NFIX: variants seen among roughly 807,000 people sequenced by gnomAD.
NFIX encodes the protein nuclear factor 1 X-type.
A neutral mutation model predicts 53.3 loss-of-function variants in NFIX; 2 were observed. The ratio of observed to expected loss-of-function variants is 0.04; its 90% CI spans 0.02 to 0.12. NFIX has a LOEUF of 0.12. Among genes scored for constraint, NFIX ranks in the 10% least tolerant of loss-of-function variants. NFIX has a pLI of 1.00. For missense variants in NFIX, 310 were observed against 674.5 expected (o/e 0.46, Z 5.99); for synonymous variants, 244 against 289.0 (o/e 0.84, Z 1.58).
intron 2 of NFIX, among the ~76,000 whole-genome samples, chr19:13,030,466 T>TC (rs1475656556): frequency 6.6e-6 from 1 of 152,170 alleles, no homozygotes; most frequent in Non-Finnish European, 1.5e-5. Flanking sequence ...GTCTTTTTTT[T>TC]CTCTTAAGGG....
chr19:13,063,154 C>A (rs1219706127), intron 2 of NFIX, among the ~76,000 whole-genome samples: 1 of 152,208 alleles, frequency 6.6e-6, no homozygotes, highest in Non-Finnish European at 1.5e-5. Flanking sequence ...TTTTTGATTT[C>A]CTCAGGCAAA....
chr19:13,026,720 A>AC (rs1234800611), intron 2 of NFIX, among the ~76,000 whole-genome samples: 13 of 127,322 alleles, frequency 1.0e-4, no homozygotes, highest in Admixed American at 1.7e-4. Context: ...GGGCTACCAA[A>AC]CCTTTCTCTC....
In NFIX at chr19:13,014,328, T is replaced by G. The variant is rs2012541003; in HGVS notation, c.28-10693T>G. Reference sequence around the variant, plus strand: ...GCCCTCTCCTCTTCCCTCCCCCGCCTCTGGGCCCTGACCCACTGCCTGGTT... The same window carrying G: ...GCCCTCTCCTCTTCCCTCCCCCGCCGCTGGGCCCTGACCCACTGCCTGGTT... On this transcript the variant is annotated intron_variant, in intron 1 of 10. Coordinates refer to ENST00000592199, the MANE Select transcript of NFIX (RefSeq NM_001365902.3). The surrounding 1 kb of genome is among the most constrained non-coding windows in gnomAD (Gnocchi z 4.4). 6.6e-6 allele frequency: 1 copy of G among 152,144 alleles called. No homozygotes were observed. Among genetic ancestry groups the G allele is most frequent in the Non-Finnish European group, 1.5e-5 (1 of 68,030 alleles). The allele number at this position is 152,144 out of a possible 1,614,324, so 9.4% of individuals were successfully genotyped here. A position where few individuals can be genotyped will look rare whatever the true frequency, so the allele number is the denominator to read the frequency against.
chr19:13,024,123 A>AG (rs2013133924), intron 1 of NFIX: 3 of 892,488 alleles, frequency 3.4e-6, no homozygotes, highest in South Asian at 1.6e-5. Flanking sequence ...CAAAAAAAAA[A>AG]AAAAAAACCA....
At chr19:13,065,645 G>A (rs1264069727) in intron 2 of NFIX, among the ~76,000 whole-genome samples, 1 of 152,064 alleles carries the variant, frequency 6.6e-6, no homozygotes, top group South Asian at 2.1e-4. Context: ...GTGCACCAGG[G>A]GCATATCCCT....
At position 13,002,264 on chromosome 19, in the gene NFIX, T is replaced by C. The variant is rs1241221280; in HGVS notation, c.27+6400T>C. Among the ~76,000 whole-genome samples the C allele has an allele frequency of 6.6e-6, 1 of 150,420 alleles. No homozygotes were observed. The highest frequency in any genetic ancestry group is 1.5e-5 in the Non-Finnish European group (1 of 67,684). ...TCCTCCCGCTCCCTCTCTCCCTCTC[T>C]CTCTCCTCCTGCCAAACGCGTCTTG... On this transcript the variant is annotated intron_variant, in intron 1 of 10. Transcript: ENST00000592199. The surrounding 1 kb of genome is among the most constrained non-coding windows in gnomAD (Gnocchi z 6.1).
Position 13,078,501 on chromosome 19 carries a change from G to A in NFIX, c.956-112G>A. The stretch of plus-strand genomic sequence containing the variant: ...GCAGGAGGGAGCACAGTGGAGGAAG[G>A]GGCAGTGGGGAGGGGCTGAGGAGAG... On this transcript the variant is annotated intron_variant, in intron 6 of 10. Transcript: ENST00000592199. The surrounding 1 kb of genome is among the most constrained non-coding windows in gnomAD (Gnocchi z 4.7). The A allele has an allele frequency of 4.6e-6, 6 of 1,316,838 alleles. No homozygotes were observed. The highest frequency in any genetic ancestry group is 3.1e-6 in the Non-Finnish European group (3 of 955,716). 81.6% of individuals were successfully genotyped at this position (1,316,838 alleles called of 1,614,324 possible).
chr19:13,079,434 G>A lies in NFIX; in HGVS notation c.1078+699G>A, dbSNP rs561892387. ...GATAGGATCAGGCAGGAGGCTGTGG[G>A]AGCTGAGACCTCAGCCCTGTCACTC... On this transcript the variant is annotated intron_variant, in intron 7 of 10. Coordinates refer to ENST00000592199, the MANE Select transcript of NFIX (RefSeq NM_001365902.3). 1.7e-3 allele frequency among the ~76,000 whole-genome samples: 262 copies of A among 152,286 alleles called. 3 individuals are homozygous for A. Among genetic ancestry groups the A allele is most frequent in the Non-Finnish European group, 2.9e-3 (199 of 68,002 alleles).
At chr19:12,999,673 A>G (rs1332001127) in intron 1 of NFIX, among the ~76,000 whole-genome samples, 1 of 152,142 alleles carries the variant, frequency 6.6e-6, no homozygotes, top group Non-Finnish European at 1.5e-5. Context: ...CTGGCCATAC[A>G]AGCAGCCGAA....
intron 8 of NFIX, among the ~76,000 whole-genome samples, chr19:13,087,320 A>G (rs2017837928): frequency 6.6e-6 from 1 of 152,174 alleles, no homozygotes; most frequent in South Asian, 2.1e-4. Context: ...TGTACAGGGA[A>G]GTCCTCCTGA....
Position 13,090,690 on chromosome 19 carries a change from A to G in NFIX, c.1494+300A>G, listed in dbSNP as rs947954830. Reference sequence around the variant, plus strand: ...TGGGCCAGGCCTGGTAGAAGCAAAGATGGAAGCCTGAGGCCCATCGGGAGG... The same window carrying G: ...TGGGCCAGGCCTGGTAGAAGCAAAGGTGGAAGCCTGAGGCCCATCGGGAGG... On this transcript the variant is annotated intron_variant, in intron 10 of 10. Transcript: ENST00000592199. This position sits in a 1 kb window ranked among gnomAD's most constrained non-coding sequence, Gnocchi z 6.6. Among the ~76,000 whole-genome samples, 10 of 152,206 alleles carry G rather than the reference A, an allele frequency of 6.6e-5. No individual in the cohort carries two copies. The highest frequency in any genetic ancestry group is 4.6e-4 in the Admixed American group (7 of 15,290).
intron 8 of NFIX, among the ~76,000 whole-genome samples, chr19:13,083,059 C>T (rs571896766): frequency 5.9e-5 from 9 of 152,342 alleles, no homozygotes; most frequent in African/African-American, 1.9e-4. Flanking sequence ...CTTTCCTCCT[C>T]GTCTCCCTTC....
chr19:13,013,451 C>T lies in NFIX; in HGVS notation c.28-11570C>T, dbSNP rs2012486004. 6.6e-6 allele frequency among the ~76,000 whole-genome samples: 1 copy of T among 152,150 alleles called. No individual in the cohort carries two copies. Among genetic ancestry groups the T allele is most frequent in the Non-Finnish European group, 1.5e-5 (1 of 68,034 alleles). ...AAATGAGCTTTGATGGTGTTAGGTCCTTTTCCACGTGCGGATGACTCAGCC... is the reference window on the plus strand; with the variant it reads ...AAATGAGCTTTGATGGTGTTAGGTCTTTTTCCACGTGCGGATGACTCAGCC... On this transcript the variant is annotated intron_variant, in intron 1 of 10. Transcript: ENST00000592199. This position sits in a 1 kb window ranked among gnomAD's most constrained non-coding sequence, Gnocchi z 5.9.
rs770170081 is a variant in NFIX at position 13,025,213 on chromosome 19, C to A, written c.220C>A (p.Arg74=). Residue 74 remains arginine, a synonymous_variant, in exon 2 of 11, where the codon CGG becomes AGG. Transcript: ENST00000592199. The surrounding 1 kb of genome is among the most constrained non-coding windows in gnomAD (Gnocchi z 7.5). Reference sequence around the variant, plus strand: ...CGAGATCAAGCAGAAGTGGGCATCCCGGCTGCTGGCCAAGCTGCGCAAGGA... The same window carrying A: ...CGAGATCAAGCAGAAGTGGGCATCCAGGCTGCTGGCCAAGCTGCGCAAGGA... The part of the protein sequence containing the change: ...KPEIKQKWAS[R]LLAKLRKDIR... 1 of 1,614,192 alleles carries A rather than the reference C, an allele frequency of 6.2e-7. No individual in the cohort carries two copies. The highest frequency in any genetic ancestry group is 8.5e-7 in the Non-Finnish European group (1 of 1,180,032).
At position 13,011,231 on chromosome 19, in the gene NFIX, C is replaced by T. The variant is rs1301156928; in HGVS notation, c.28-13790C>T. Reference sequence around the variant, plus strand: ...CGGACTGCAGCTCCGAATCCCGCAGCCCCAGAAACACAATCGCGGGGGTGG... The same window carrying T: ...CGGACTGCAGCTCCGAATCCCGCAGTCCCAGAAACACAATCGCGGGGGTGG... On this transcript the variant is annotated intron_variant, in intron 1 of 10. Transcript: ENST00000592199. The surrounding 1 kb of genome is among the most constrained non-coding windows in gnomAD (Gnocchi z 6.5). Among the ~76,000 whole-genome samples, 1 of 152,204 alleles carries T rather than the reference C, an allele frequency of 6.6e-6. No individual in the cohort carries two copies. The highest frequency in any genetic ancestry group is 1.5e-5 in the Non-Finnish European group (1 of 68,034).
chr19:13,038,058 T>C (rs957815056), intron 2 of NFIX, among the ~76,000 whole-genome samples: 2 of 152,072 alleles, frequency 1.3e-5, no homozygotes, highest in Non-Finnish European at 2.9e-5. Flanking sequence ...GTGCTTTGAT[T>C]GGTTGTGTTT....
intron 6 of NFIX, among the ~76,000 whole-genome samples, chr19:13,077,311 A>T (rs1435927000): frequency 6.6e-6 from 1 of 152,154 alleles, no homozygotes; most frequent in African/African-American, 2.4e-5. Flanking sequence ...CAGTCCTGCC[A>T]CGCACGGCCC....
chr19:13,084,441 G>T (rs950735275), intron 8 of NFIX, among the ~76,000 whole-genome samples: 8 of 151,816 alleles, frequency 5.3e-5, no homozygotes, highest in African/African-American at 1.9e-4. Context: ...GAGACTCTGT[G>T]TACAAAACAA....
rs1027860511 is a variant in NFIX at position 13,011,497 on chromosome 19, C to A, written c.28-13524C>A. ...AGTTCCCTGCGCGCATCATGGACTT[C>A]AGGAGTGAGGGTGGGTGGGTTTTGG... On this transcript the variant is annotated intron_variant, in intron 1 of 10. Coordinates refer to ENST00000592199, the MANE Select transcript of NFIX (RefSeq NM_001365902.3). This position sits in a 1 kb window ranked among gnomAD's most constrained non-coding sequence, Gnocchi z 6.5. Among the ~76,000 whole-genome samples, 2 of 151,656 alleles carry A rather than the reference C, an allele frequency of 1.3e-5. No individual in the cohort carries two copies. Among genetic ancestry groups the A allele is most frequent in the Non-Finnish European group, 2.9e-5 (2 of 67,904 alleles).
Sources: gnomAD v4.1 joint callset for allele counts (sites outside exome capture counted in the v4.1 genomes callset) on GRCh38, gnomAD v4.1.1 for gene constraint, Gnocchi (gnomAD v3.1) non-coding constraint, MANE v1.5 for transcripts, NCBI Gene and HGNC (gene_info 2026-07-23, HGNC 2026-07-21) for gene names.